Variants in GALNT13 observed in about 807,000 individuals in gnomAD.
GALNT13 encodes the protein polypeptide N-acetylgalactosaminyltransferase 13.
Under a neutral mutation model 64.2 loss-of-function variants are expected in GALNT13, and 28 were observed. The observed-to-expected ratio is 0.44, with a 90% CI of 0.32 to 0.60. The LOEUF (loss-of-function observed/expected upper bound fraction) is 0.60, where lower values mean the gene tolerates loss of function less well. Ranked by LOEUF, GALNT13 falls within the 20% of genes least tolerant of loss-of-function variation. The probability of loss-of-function intolerance (pLI) is 0.05; values close to 1 mark genes in which losing one functional copy is unlikely to be tolerated. For synonymous variants in GALNT13, 214 were observed against 224.6 expected, an observed-to-expected ratio of 0.95 and a Z score of 0.42; for missense variants, 577 against 669.8, an observed-to-expected ratio of 0.86 and a Z score of 1.53.
intron 8 of GALNT13, among the ~76,000 whole-genome samples, chr2:154,289,224 G>A (rs1574025320): frequency 6.6e-6 from 1 of 152,276 alleles, no homozygotes; most frequent in Non-Finnish European, 1.5e-5. Flanking sequence ...TGGCTGGGAT[G>A]CAGAGCACCA....
the GALNT13 span, among the ~76,000 whole-genome samples, chr2:153,764,650 G>A: frequency 2.8e-3 from 433 of 152,334 alleles, 2 homozygotes; most frequent in African/African-American, 0.01. Context: ...GCAGAAATTG[G>A]CATAAGTAAG....
chr2:153,576,405 G>A, the GALNT13 span, among the ~76,000 whole-genome samples: 3 of 152,154 alleles, frequency 2.0e-5, no homozygotes, highest in East Asian at 1.9e-4. Context: ...TTGGTGGTAA[G>A]GTTTGCAGGA....
chr2:153,428,321 C>G, the GALNT13 span, among the ~76,000 whole-genome samples: 1 of 152,118 alleles, frequency 6.6e-6, no homozygotes, highest in African/African-American at 2.4e-5. Context: ...AAAGGGGGAG[C>G]AAGTGTGTCA....
rs576483333 is a variant in GALNT13 at position 154,042,549 on chromosome 2, T to C, written c.143-97788T>C. Among the ~76,000 whole-genome samples, 9 of 130,296 alleles carry C rather than the reference T, an allele frequency of 6.9e-5. 2 individuals carry two copies. The South Asian group carries it at 2.0e-3, about 29-fold the overall frequency. 85.5% of individuals were successfully genotyped at this position (130,296 alleles called of 152,430 possible). On this transcript the variant is annotated intron_variant, in intron 3 of 12. Coordinates refer to ENST00000392825, the MANE Select transcript of GALNT13 (RefSeq NM_052917.4). ...AGCAGCCTTCCAGACAATATCATAA[T>C]CTTTTTTAAAGTGCACAGCACTATC...
the GALNT13 span, among the ~76,000 whole-genome samples, chr2:153,348,724 T>A: frequency 6.6e-6 from 1 of 152,178 alleles, no homozygotes; most frequent in Non-Finnish European, 1.5e-5. Context: ...TCATTAAAAT[T>A]CATATATGTA....
the GALNT13 span, among the ~76,000 whole-genome samples, chr2:153,508,430 G>C: frequency 1.3e-5 from 2 of 152,118 alleles, no homozygotes; most frequent in Admixed American, 6.5e-5. Context: ...TAGGCCGGTG[G>C]AGTTATGTTC....
At chr2:154,241,266 C>G (rs1689473866) in intron 4 of GALNT13, among the ~76,000 whole-genome samples, 1 of 152,156 alleles carries the variant, frequency 6.6e-6, no homozygotes, top group Admixed American at 6.5e-5. Context: ...AAATGCCTGT[C>G]CTCACCCAGG....
intron 4 of GALNT13, among the ~76,000 whole-genome samples, chr2:154,185,745 T>A (rs1686214956): frequency 6.6e-6 from 1 of 151,968 alleles, no homozygotes; most frequent in African/African-American, 2.4e-5. Context: ...ACTTATTGTT[T>A]TCCTGATTTT....
At chr2:154,186,161 T>A (rs1399461205) in intron 4 of GALNT13, among the ~76,000 whole-genome samples, 1 of 152,076 alleles carries the variant, frequency 6.6e-6, no homozygotes, top group African/African-American at 2.4e-5. Flanking sequence ...TTATTATTTT[T>A]AAAAATCTAC....
At chr2:153,277,927 C>CTTTTTTTTTTTTTTTTTTTT in the GALNT13 span, among the ~76,000 whole-genome samples, 16 of 80,108 alleles carry the variant, frequency 2.0e-4, no homozygotes, top group Non-Finnish European at 3.2e-4. Flanking sequence ...TCTTTTCTTT[C>CTTTTTTTTTTTTTTTTTTTT]TTTTTTTTTT....
intron 9 of GALNT13, among the ~76,000 whole-genome samples, chr2:154,349,565 G>T (rs1245048480): frequency 6.6e-6 from 1 of 152,164 alleles, no homozygotes; most frequent in Non-Finnish European, 1.5e-5. Flanking sequence ...GCTGCCACAA[G>T]TCATCTTTTA....
At chr2:153,764,242 C>CA in the GALNT13 span, among the ~76,000 whole-genome samples, 2 of 151,886 alleles carry the variant, frequency 1.3e-5, no homozygotes, top group Non-Finnish European at 1.5e-5. Flanking sequence ...GCAAATCATT[C>CA]AAAAAAAGCA....
chr2:153,572,193 TTATC>T, the GALNT13 span, among the ~76,000 whole-genome samples: 7 of 151,780 alleles, frequency 4.6e-5, no homozygotes, highest in African/African-American at 1.4e-4. Flanking sequence ...TTCTAATTAT[TTATC>T]TAATTCTCAT....
At chr2:154,240,455 G>A (rs1038175657) in intron 4 of GALNT13, among the ~76,000 whole-genome samples, 5 of 152,138 alleles carry the variant, frequency 3.3e-5, no homozygotes, top group African/African-American at 1.2e-4. Context: ...CTTCACCCTA[G>A]ACCTAGTGAA....
chr2:153,750,551 G>C, the GALNT13 span, among the ~76,000 whole-genome samples: 3 of 151,544 alleles, frequency 2.0e-5, no homozygotes, highest in East Asian at 1.9e-4. Context: ...TTCAGTCTTT[G>C]TACGTTGTAT....
At chr2:153,331,627 CG>C in the GALNT13 span, among the ~76,000 whole-genome samples, 1 of 151,880 alleles carries the variant, frequency 6.6e-6, no homozygotes, top group African/African-American at 2.4e-5. Flanking sequence ...TTCCTTTTCA[CG>C]TTTTTTTTTG....
the GALNT13 span, among the ~76,000 whole-genome samples, chr2:153,464,356 A>G: frequency 1.3e-5 from 2 of 152,056 alleles, no homozygotes; most frequent in Non-Finnish European, 2.9e-5. Flanking sequence ...TCTAGGAAGC[A>G]TTTCTCTCTC....
chr2:153,092,464 A>T, the GALNT13 span, among the ~76,000 whole-genome samples: 1 of 152,206 alleles, frequency 6.6e-6, no homozygotes, highest in African/African-American at 2.4e-5. Context: ...CATGCTTCCA[A>T]TCCAAGAATG....
chr2:153,520,997 C>A, the GALNT13 span, among the ~76,000 whole-genome samples: 1 of 152,176 alleles, frequency 6.6e-6, no homozygotes, highest in African/African-American at 2.4e-5. Flanking sequence ...CCCAAAATTC[C>A]TTTTGGTGCA....
Sources: gnomAD v4.1 joint callset for allele counts (sites outside exome capture counted in the v4.1 genomes callset) on GRCh38, gnomAD v4.1.1 for gene constraint, MANE v1.5 for transcripts, NCBI Gene and HGNC (gene_info 2026-07-23, HGNC 2026-07-21) for gene names.